ARHGAP12: variants seen among roughly 807,000 people sequenced by gnomAD.
ARHGAP12 encodes Rho GTPase activating protein 12.
In ARHGAP12, 64 loss-of-function variants were observed where a neutral mutation model predicts 108.6. The ratio of observed to expected loss-of-function variants is 0.59; its 90% confidence interval spans 0.48 to 0.73. The LOEUF (loss-of-function observed/expected upper bound fraction) is 0.73, where lower values mean the gene tolerates loss of function less well. Ranked by LOEUF, ARHGAP12 falls within the 30% of genes least tolerant of loss-of-function variation. ARHGAP12 has a pLI of 0.00. For synonymous variants in ARHGAP12, 312 were observed against 337.2 expected, an observed-to-expected ratio of 0.93 and a Z score of 0.82; for missense variants, 940 against 1,005.9, an observed-to-expected ratio of 0.93 and a Z score of 0.89.
At chr10:31,852,726 ATTC>A (rs369961329) in intron 5 of ARHGAP12, 129 bp from the exon 6 acceptor site, 144 of 519,192 alleles carry the variant, frequency 2.8e-4, no homozygotes, top group South Asian at 6.5e-4. Context: ...GCAACAAAAA[ATTC>A]TTTTTTTTTT....
intron 7 of ARHGAP12, among the ~76,000 whole-genome samples, chr10:31,841,221 T>C (rs1592276745): frequency 1.3e-5 from 2 of 152,106 alleles, no homozygotes; most frequent in East Asian, 3.8e-4. Flanking sequence ...CATCTATGAA[T>C]AGTTTTAGTA....
chr10:31,816,376 C>T (rs535223343), intron 13 of ARHGAP12, among the ~76,000 whole-genome samples: 3 of 152,142 alleles, frequency 2.0e-5, no homozygotes, highest in East Asian at 1.9e-4. Flanking sequence ...CCCCTACCAT[C>T]GTAACACTCA....
In ARHGAP12 at chr10:31,908,655, C is replaced by G. The variant is rs745369386; in HGVS notation, c.201G>C (p.Gln67His). The G allele has an allele frequency of 7.4e-6, 12 of 1,614,162 alleles. No homozygotes were observed. Among genetic ancestry groups the G allele is most frequent in the Middle Eastern group, 1.6e-4 (1 of 6,062 alleles). The change falls in exon 3 of 20, where the codon CAG becomes CAC. Residue 67 changes from glutamine to histidine, a missense_variant. By Grantham distance (24) the Gln-to-His change is conservative. Transcript: ENST00000344936. ...ENSKAFYVPA[Q>H]YVKEVTRKAL... is the part of the protein sequence containing the mutation. ...CTTTGCGCGTGACCTCCTTCACATA[C>G]TGGGCTGGCACATAAAACGCTTTGG...
At chr10:31,854,265 G>A in intron 4 of ARHGAP12, 59 bp from the exon 5 acceptor site, 1 of 1,423,514 alleles carries the variant, frequency 7.0e-7, no homozygotes, top group South Asian at 1.4e-5. Flanking sequence ...TGAATTGGTT[G>A]AAAATCTAAT....
chr10:31,891,686 C>T (rs545461919), intron 3 of ARHGAP12, among the ~76,000 whole-genome samples: 3 of 152,154 alleles, frequency 2.0e-5, no homozygotes, highest in South Asian at 2.1e-4. Flanking sequence ...TTTCCAACTT[C>T]GTTCCATTCT....
At position 31,839,707 on chromosome 10, in the gene ARHGAP12, G is replaced by A; in HGVS notation, c.1301C>T (p.Ser434Phe). Residue 434 changes from serine to phenylalanine, a missense_variant, in exon 8 of 20, where the codon TCT becomes TTT. By Grantham distance (155) the Ser-to-Phe change is radical. Transcript: ENST00000344936. ...TIVLDTNDKE[S>F]PTASKPCFPE... Reference sequence around the variant, plus strand: ...AAAGCAGGGTTTTGAGGCAGTTGGAGATTCCTACAAGAAATAAGTAATGAA... The same window carrying A: ...AAAGCAGGGTTTTGAGGCAGTTGGAAATTCCTACAAGAAATAAGTAATGAA... 6.2e-7 allele frequency: 1 copy of A among 1,603,492 alleles called. No individual in the cohort carries two copies. The highest frequency in any genetic ancestry group is 8.5e-7 in the Non-Finnish European group (1 of 1,172,892).
At chr10:31,920,025 G>A (rs1232555273) in intron 1 of ARHGAP12, among the ~76,000 whole-genome samples, 1 of 150,794 alleles carries the variant, frequency 6.6e-6, no homozygotes, top group African/African-American at 2.4e-5. Context: ...AGAATCGCTT[G>A]AACCTGGGAG....
chr10:31,831,635 A>C, intron 10 of ARHGAP12, 104 bp downstream of exon 10: 4 of 658,492 alleles, frequency 6.1e-6, no homozygotes, highest in Non-Finnish European at 9.6e-6. Context: ...ACAAATGGTG[A>C]GAGATTCTTC....
chr10:31,901,213 CAA>C (rs59882437), intron 3 of ARHGAP12, among the ~76,000 whole-genome samples: 13 of 118,332 alleles, frequency 1.1e-4, no homozygotes, highest in East Asian at 2.6e-4. Context: ...GAATCCGTCT[CAA>C]AAAAAAAAAA....
chr10:31,820,505 G>T lies in ARHGAP12; in HGVS notation c.1531-17C>A. On this transcript the variant is annotated splice_polypyrimidine_tract_variant and intron_variant, in intron 11 of 19. Coordinates refer to ENST00000344936, the MANE Select transcript of ARHGAP12 (RefSeq NM_018287.7). The stretch of plus-strand genomic sequence containing the variant: ...ACTGCCAAACTTCATTTTTGAAAAA[G>T]AAAAAAAACCTTCATGTGATACTCA... The T allele has an allele frequency of 6.5e-7, 1 of 1,530,778 alleles. No homozygotes were observed. Among genetic ancestry groups the T allele is most frequent in the South Asian group, 1.3e-5 (1 of 78,108 alleles). The allele number at this position is 1,530,778 out of a possible 1,614,324, so 94.8% of individuals were successfully genotyped here.
chr10:31,870,230 CTTTT>C (rs567626260), intron 3 of ARHGAP12, among the ~76,000 whole-genome samples: 34 of 138,256 alleles, frequency 2.5e-4, no homozygotes, highest in African/African-American at 8.2e-4. Flanking sequence ...TAATTTCTGT[CTTTT>C]TTTTTTTTTT....
At chr10:31,848,201 C>T (rs1836534421) in intron 6 of ARHGAP12, among the ~76,000 whole-genome samples, 1 of 152,128 alleles carries the variant, frequency 6.6e-6, no homozygotes, top group Non-Finnish European at 1.5e-5. Flanking sequence ...ATTTGGGAGG[C>T]CACCACAAAG....
chr10:31,855,173 C>T (rs1482787360), intron 4 of ARHGAP12, among the ~76,000 whole-genome samples: 11 of 150,644 alleles, frequency 7.3e-5, no homozygotes, highest in African/African-American at 2.0e-4. Flanking sequence ...TAAGGTAATA[C>T]GGGTACACAT....
At chr10:31,855,034 G>A (rs1296524702) in intron 4 of ARHGAP12, among the ~76,000 whole-genome samples, 2 of 114,826 alleles carry the variant, frequency 1.7e-5, no homozygotes, top group Non-Finnish European at 3.6e-5. Context: ...GAGGAGGAGG[G>A]GAGGGGGAGG....
chr10:31,822,904 C>T (rs1311568405), intron 11 of ARHGAP12, among the ~76,000 whole-genome samples: 1 of 152,004 alleles, frequency 6.6e-6, no homozygotes, highest in African/African-American at 2.4e-5. Context: ...CTGCTAAACA[C>T]CCTACCACGC....
chr10:31,868,517 T>A (rs1451297267), intron 3 of ARHGAP12, among the ~76,000 whole-genome samples: 2 of 152,222 alleles, frequency 1.3e-5, no homozygotes, highest in Middle Eastern at 3.4e-3. Flanking sequence ...TAGAAACTAG[T>A]GTTTTTTCAC....
rs11008666 is a variant in ARHGAP12, at chr10:31,821,412, C to T, written c.1531-924G>A. 1.5e-3 allele frequency among the ~76,000 whole-genome samples: 224 copies of T among 152,212 alleles called. 9 individuals are homozygous for T. The East Asian group carries it at 0.04, about 27-fold the overall frequency. On this transcript the variant is annotated intron_variant, in intron 11 of 19. Transcript: ENST00000344936. Reference sequence around the variant, plus strand: ...CTGTTAAGTATAAAAAGTAACATTCCTATGGTATTGAAAAGTTTAAAGGTT... The same window carrying T: ...CTGTTAAGTATAAAAAGTAACATTCTTATGGTATTGAAAAGTTTAAAGGTT...
chr10:31,872,909 C>G (rs562030688), intron 3 of ARHGAP12, among the ~76,000 whole-genome samples: 1 of 152,270 alleles, frequency 6.6e-6, no homozygotes, highest in South Asian at 2.1e-4. Flanking sequence ...CCCAGACCTT[C>G]AAATCTTTAC....
chr10:31,836,336 GA>G (rs1836013037), intron 9 of ARHGAP12, among the ~76,000 whole-genome samples: 1 of 152,030 alleles, frequency 6.6e-6, no homozygotes, highest in South Asian at 2.1e-4. Flanking sequence ...TAGCTTCTTA[GA>G]TCAGCCCACA....
Sources: allele counts gnomAD v4.1 joint callset (sites outside exome capture counted in the v4.1 genomes callset), GRCh38; gene constraint gnomAD v4.1.1; transcripts MANE v1.5; gene names NCBI Gene and HGNC (gene_info 2026-07-23, HGNC 2026-07-21).